The following RFX7 variants were observed in gnomAD, a reference collection of about 807,000 sequenced individuals.
RFX7 encodes the protein regulatory factor X7, also known as DNA-binding protein RFX7.
Under a neutral mutation model 111.8 loss-of-function variants are expected in RFX7, and 26 were observed. The observed-to-expected ratio is 0.23, with a 90% CI of 0.17 to 0.32. The LOEUF is 0.32. Ranked by LOEUF, RFX7 falls within the 10% of genes least tolerant of loss-of-function variation. The probability of loss-of-function intolerance (pLI) is 1.00; values close to 1 mark genes in which losing one functional copy is unlikely to be tolerated. For missense variants in RFX7, 1,573 were observed against 1,772.9 expected, an observed-to-expected ratio of 0.89 and a Z score of 2.02; for synonymous variants, 624 against 624.4, an observed-to-expected ratio of 1.00 and a Z score of 0.01.
At position 56,088,027 on chromosome 15, in the gene RFX7, T is replaced by G. The variant is rs62044075; in HGVS notation, c.*5318A>C. On this transcript the variant is annotated 3_prime_UTR_variant, in exon 10 of 10. Coordinates refer to ENST00000559447, the MANE Select transcript of RFX7 (RefSeq NM_022841.7). ...AGGGAGGGAAAAGGATTCAAGTAAT[T>G]TGGAGGAAAATTACAAACTACAGGT... 1 of 293,862 alleles carries G rather than the reference T, an allele frequency of 3.4e-6. No homozygotes were observed. Among genetic ancestry groups the G allele is most frequent in the Non-Finnish European group, 6.8e-6 (1 of 147,338 alleles). The allele number at this position is 293,862 out of a possible 1,614,324, so 18.2% of individuals were successfully genotyped here.
In RFX7 at chr15:56,091,507, A is replaced by C. The variant is rs544462923; in HGVS notation, c.*1838T>G. Reference sequence around the variant, plus strand: ...TTATTTTTATATTAGTAGGAAGCTAATAATGTAAACAAGGGATTAGAATGG... The same window carrying C: ...TTATTTTTATATTAGTAGGAAGCTACTAATGTAAACAAGGGATTAGAATGG... On this transcript the variant is annotated 3_prime_UTR_variant, in exon 10 of 10. Coordinates refer to ENST00000559447, the MANE Select transcript of RFX7 (RefSeq NM_022841.7). 3 of 152,662 alleles carry C rather than the reference A, an allele frequency of 2.0e-5. No individual in the cohort carries two copies. The highest frequency in any genetic ancestry group is 2.0e-4 in the Admixed American group (3 of 15,288). 9.5% of individuals were successfully genotyped at this position (152,662 alleles called of 1,614,324 possible).
chr15:56,243,906 A>G (rs1407452131), upstream of RFX7: 1 of 149,028 alleles, frequency 6.7e-6, no homozygotes, highest in Non-Finnish European at 1.5e-5. Context: ...CAGACCGCAC[A>G]ACACCTACCG....
Position 56,094,416 on chromosome 15 carries a change from T to C in RFX7, c.3312A>G (p.Gly1104=), listed in dbSNP as rs1047225404. The C allele has an allele frequency of 1.2e-6, 2 of 1,613,924 alleles. No homozygotes were observed. The highest frequency in any genetic ancestry group is 1.1e-5 in the South Asian group (1 of 91,076). ...FRKPHAFAVP[G]QSYQSQSRHH... The stretch of plus-strand genomic sequence containing the variant: ...GTCTGGATTGAGACTGATAAGACTG[T>C]CCAGGCACAGCAAAAGCATGAGGTT... The change falls in exon 10 of 10, where the codon GGA becomes GGG. Residue 1104 remains glycine, a synonymous_variant. Transcript: ENST00000559447.
intron 3 of RFX7, among the ~76,000 whole-genome samples, chr15:56,146,351 C>T (rs2042471298): frequency 3.3e-5 from 5 of 152,160 alleles, no homozygotes; most frequent in Non-Finnish European, 2.9e-5. Flanking sequence ...AGTGATCCTC[C>T]TGCCTCCCAA....
chr15:56,138,358 A>C (rs1567022918), intron 5 of RFX7, among the ~76,000 whole-genome samples: 1 of 150,678 alleles, frequency 6.6e-6, no homozygotes, highest in Non-Finnish European at 1.5e-5. Context: ...TGATCCCTTT[A>C]CCATTATGAA....
intron 5 of RFX7, among the ~76,000 whole-genome samples, chr15:56,118,658 G>A (rs2042038554): frequency 6.6e-6 from 1 of 152,176 alleles, no homozygotes. Flanking sequence ...ATAAACATGG[G>A]AGTGCAGATA....
chr15:56,121,310 C>T (rs1209479803), intron 5 of RFX7, among the ~76,000 whole-genome samples: 1 of 152,172 alleles, frequency 6.6e-6, no homozygotes, highest in African/African-American at 2.4e-5. Flanking sequence ...TCATGTCACT[C>T]TCTCCTGGCT....
intron 3 of RFX7, among the ~76,000 whole-genome samples, chr15:56,176,992 T>G (rs2042910444): frequency 6.6e-6 from 1 of 152,118 alleles, no homozygotes; most frequent in African/African-American, 2.4e-5. Context: ...TCTCATCAGC[T>G]TTCATGCACT....
chr15:56,163,778 G>T (rs530434721), intron 3 of RFX7, among the ~76,000 whole-genome samples: 35 of 152,260 alleles, frequency 2.3e-4, no homozygotes, highest in Non-Finnish European at 3.8e-4. Context: ...GCTGGCCGTT[G>T]TAATGGCAGC....
At position 56,146,817 on chromosome 15, in the gene RFX7, G is replaced by A. The variant is rs552310044; in HGVS notation, c.196-2334C>T. On this transcript the variant is annotated intron_variant, in intron 3 of 9. Coordinates refer to ENST00000559447, the MANE Select transcript of RFX7 (RefSeq NM_022841.7). ...CAACACATAGAAGAAAAAATTTGGA[G>A]AGCAGCATGAAAACTGATAATAACA... Among the ~76,000 whole-genome samples the A allele has an allele frequency of 2.0e-5, 3 of 152,248 alleles. No individual in the cohort carries two copies. The South Asian group carries it at 6.2e-4, about 32-fold the overall frequency.
intron 2 of RFX7, among the ~76,000 whole-genome samples, chr15:56,215,734 G>C (rs185213455): frequency 2.6e-5 from 4 of 152,134 alleles, no homozygotes; most frequent in African/African-American, 9.7e-5. Flanking sequence ...ATTTATTGCT[G>C]TATAATAAAC....
chr15:56,108,449 C>A (rs2041860856), intron 5 of RFX7, among the ~76,000 whole-genome samples: 1 of 152,132 alleles, frequency 6.6e-6, no homozygotes, highest in South Asian at 2.1e-4. Flanking sequence ...ATGACAAAAA[C>A]CACATGATTC....
At chr15:56,191,722 C>T (rs1191869326) in intron 2 of RFX7, among the ~76,000 whole-genome samples, 3 of 152,054 alleles carry the variant, frequency 2.0e-5, no homozygotes, top group Non-Finnish European at 4.4e-5. Flanking sequence ...GTAATTATTA[C>T]GATCTGTGGA....
rs529389577 is a variant in RFX7, at chr15:56,214,782, C to A, written c.161+28343G>T. ...CTATAGCTACATTTATTTCCAAGAACCTACTTGTTATTGAAAATGTTTAAT... is the reference window on the plus strand; with the variant it reads ...CTATAGCTACATTTATTTCCAAGAAACTACTTGTTATTGAAAATGTTTAAT... On this transcript the variant is annotated intron_variant, in intron 2 of 9. Transcript: ENST00000559447. 2.0e-5 allele frequency among the ~76,000 whole-genome samples: 3 copies of A among 151,556 alleles called. No individual in the cohort carries two copies. In the East Asian group the frequency reaches 5.8e-4, roughly 29 times the overall value.
intron 5 of RFX7, among the ~76,000 whole-genome samples, chr15:56,114,637 C>A (rs1003849368): frequency 6.6e-6 from 1 of 151,912 alleles, no homozygotes; most frequent in African/African-American, 2.4e-5. Context: ...GGTAACTACA[C>A]AATGAACAAT....
In RFX7 at chr15:56,188,210, G is replaced by A. The variant is rs956376194; in HGVS notation, c.162-8907C>T. On this transcript the variant is annotated intron_variant, in intron 2 of 9. Transcript: ENST00000559447. ...ATTGGATGACCTTAATTTGAGATCA[G>A]ATGGCAGAAAAAGGGTCACTTAACT... 5.5e-4 allele frequency among the ~76,000 whole-genome samples: 84 copies of A among 152,126 alleles called. 1 individual carries two copies. Among genetic ancestry groups the A allele is most frequent in the African/African-American group, 2.0e-3 (82 of 41,424 alleles).
intron 5 of RFX7, among the ~76,000 whole-genome samples, chr15:56,134,996 T>A (rs2042277960): frequency 6.6e-6 from 1 of 152,230 alleles, no homozygotes; most frequent in Non-Finnish European, 1.5e-5. Context: ...TGCCACATTT[T>A]CTTAATCCGG....
chr15:56,172,826 A>G (rs1203851054), intron 3 of RFX7, among the ~76,000 whole-genome samples: 2 of 152,168 alleles, frequency 1.3e-5, no homozygotes, highest in African/African-American at 4.8e-5. Context: ...GGGCCTATAT[A>G]TTTTATTGAA....
At chr15:56,127,457 G>A (rs1259726572) in intron 5 of RFX7, among the ~76,000 whole-genome samples, 1 of 149,920 alleles carries the variant, frequency 6.7e-6, no homozygotes, top group Non-Finnish European at 1.5e-5. Context: ...AGCAGAAGAA[G>A]GCTATAATAA....
Sources: gnomAD v4.1 joint callset for allele counts (sites outside exome capture counted in the v4.1 genomes callset) on GRCh38, gnomAD v4.1.1 for gene constraint, MANE v1.5 for transcripts, NCBI Gene and HGNC (gene_info 2026-07-23, HGNC 2026-07-21) for gene names.